UBQLN1: variants seen among roughly 807,000 people sequenced by gnomAD.
The protein encoded by UBQLN1 is ubiquilin 1.
In UBQLN1, 13 loss-of-function variants were observed where a neutral mutation model predicts 65.4. That is an observed-to-expected ratio of 0.20 (90% CI 0.13 to 0.32). The LOEUF is 0.32. Among genes scored for constraint, UBQLN1 ranks in the 10% least tolerant of loss-of-function variants. UBQLN1 has a pLI of 1.00. For synonymous variants in UBQLN1, 267 were observed against 247.8 expected (o/e 1.08, Z -0.73); for missense variants, 561 against 724.0 (o/e 0.77, Z 2.58).
Position 83,663,883 on chromosome 9 carries a change from T to C in UBQLN1, c.1609A>G (p.Asn537Asp), listed in dbSNP as rs1278742386. ...QQMLQALAGV[N>D]PQLQNPEVRF... The stretch of plus-strand genomic sequence containing the variant: ...TGGAAAAGAACTGATACCTGAGGAT[T>C]TACTCCAGCAAGAGCCTGCAGCATC... Residue 537 changes from asparagine to aspartate, a missense_variant, in exon 10 of 11, where the codon AAT (asparagine) becomes GAT (aspartate). Coordinates refer to ENST00000376395, the MANE Select transcript of UBQLN1 (RefSeq NM_013438.5). 2 of 1,613,466 alleles carry C rather than the reference T, an allele frequency of 1.2e-6. No individual in the cohort carries two copies. The highest frequency in any genetic ancestry group is 1.7e-4 in the Middle Eastern group (1 of 6,048).
At chr9:83,701,860 C>CA (rs1168942497) in intron 1 of UBQLN1, among the ~76,000 whole-genome samples, 2 of 152,188 alleles carry the variant, frequency 1.3e-5, no homozygotes, top group African/African-American at 4.8e-5. Flanking sequence ...AAAACTTATA[C>CA]ATGAGTGTTC....
chr9:83,682,824 G>GTT (rs545821772), intron 3 of UBQLN1, 127 bp downstream of exon 3: 14,005 of 409,702 alleles, frequency 0.034, 132 homozygotes, highest in East Asian at 0.093. Flanking sequence ...AGGAATGTAT[G>GTT]TTTTTTTTTT....
chr9:83,683,571 A>G (rs1207855474), intron 2 of UBQLN1, among the ~76,000 whole-genome samples: 2 of 152,168 alleles, frequency 1.3e-5, no homozygotes, highest in Non-Finnish European at 2.9e-5. Flanking sequence ...CCTACAAAAT[A>G]CAAAATATGC....
chr9:83,688,516 A>G (rs1832075333), intron 1 of UBQLN1, among the ~76,000 whole-genome samples: 1 of 152,114 alleles, frequency 6.6e-6, no homozygotes, highest in Non-Finnish European at 1.5e-5. Context: ...CTGAACATAC[A>G]GTTATATAGC....
chr9:83,666,656 T>C lies in UBQLN1; in HGVS notation c.1249-223A>G, dbSNP rs1831648650. The C allele has an allele frequency of 1.9e-5, 8 of 414,022 alleles. No homozygotes were observed. The South Asian group carries it at 4.4e-4, about 23-fold the overall frequency. 25.6% of individuals were successfully genotyped at this position (414,022 alleles called of 1,614,324 possible). ...TATTCTCTCTCAATGAGAATGGTGGTTATGATAATGACATGCAATATCCTA... is the reference window on the plus strand; with the variant it reads ...TATTCTCTCTCAATGAGAATGGTGGCTATGATAATGACATGCAATATCCTA... On this transcript the variant is annotated intron_variant, in intron 7 of 10. Transcript: ENST00000376395.
At chr9:83,687,773 AAAC>A (rs1417146619) in intron 1 of UBQLN1, among the ~76,000 whole-genome samples, 1 of 151,746 alleles carries the variant, frequency 6.6e-6, no homozygotes, top group Non-Finnish European at 1.5e-5. Context: ...CAGCCAATAT[AAAC>A]AACTGATTTT....
intron 10 of UBQLN1, among the ~76,000 whole-genome samples, chr9:83,663,386 A>G (rs1358657566): frequency 1.3e-5 from 2 of 152,146 alleles, no homozygotes; most frequent in Admixed American, 6.5e-5. Context: ...TTCTTTAGCC[A>G]TATTTACGAG....
At chr9:83,678,703 C>T (rs1379592875) in intron 4 of UBQLN1, 104 bp from the exon 5 acceptor site, 23 of 1,224,800 alleles carry the variant, frequency 1.9e-5, no homozygotes, top group East Asian at 2.4e-5. Flanking sequence ...TTATGGGAGG[C>T]CACTGTTTTG....
chr9:83,688,781 A>C (rs1832080807), intron 1 of UBQLN1, among the ~76,000 whole-genome samples: 1 of 152,048 alleles, frequency 6.6e-6, no homozygotes, highest in Non-Finnish European at 1.5e-5. Context: ...GAATTGCTTG[A>C]ACCTGGGAGG....
chr9:83,678,023 CTTTT>C (rs386415305), intron 5 of UBQLN1, 62 bp from the exon 6 acceptor site: 87 of 931,630 alleles, frequency 9.3e-5, no homozygotes, highest in South Asian at 1.4e-4. Context: ...AGATATGAAA[CTTTT>C]TTTTTTTTTT....
At chr9:83,706,223 C>A (rs1289377411) in intron 1 of UBQLN1, among the ~76,000 whole-genome samples, 2 of 152,206 alleles carry the variant, frequency 1.3e-5, no homozygotes, top group East Asian at 1.9e-4. Flanking sequence ...GCAACTTACT[C>A]TGAATTGCTC....
At chr9:83,664,757 T>TTA (rs1011449380) in intron 9 of UBQLN1, among the ~76,000 whole-genome samples, 5 of 150,442 alleles carry the variant, frequency 3.3e-5, no homozygotes, top group African/African-American at 4.9e-5. Flanking sequence ...CAACAACAAA[T>TTA]TATATATATA....
chr9:83,695,201 C>CTTTT (rs36072668), intron 1 of UBQLN1, among the ~76,000 whole-genome samples: 2 of 133,442 alleles, frequency 1.5e-5, no homozygotes, highest in East Asian at 2.2e-4. Context: ...GCCCTCCCAC[C>CTTTT]TTTTTTTTTT....
In UBQLN1 at chr9:83,679,857, A is replaced by G; in HGVS notation, c.629T>C (p.Met210Thr). The change falls in exon 4 of 11, where the codon ATG becomes ACG. Residue 210 changes from methionine to threonine, a missense_variant. By Grantham distance (81) the Met-to-Thr change is moderately conservative. Transcript: ENST00000376395. ...CAACTGCTGCATTTGTGGATTGGCC[A>G]TAATTAACTGTCTCATCAGGTCAGG... ...SNPDLMRQLI[M>T]ANPQMQQLIQ... 1.2e-6 allele frequency: 2 copies of G among 1,614,216 alleles called. No individual in the cohort carries two copies. The highest frequency in any genetic ancestry group is 1.7e-5 in the Admixed American group (1 of 60,030).
chr9:83,679,924 G>C lies in UBQLN1; in HGVS notation c.562C>G (p.Gln188Glu), dbSNP rs1383256797. The C allele has an allele frequency of 6.2e-7, 1 of 1,614,018 alleles. No individual in the cohort carries two copies. The highest frequency in any genetic ancestry group is 1.3e-5 in the African/African-American group (1 of 74,890). ...TGAACAAAGGGATTTTCCATGATCT[G>C]GACCATCATTTCAGGGTTAGACAAA... ...QLLSNPEMMV[Q>E]IMENPFVQSM... is the part of the protein sequence containing the mutation. The change falls in exon 4 of 11, where the codon CAG becomes GAG. Residue 188 changes from glutamine (Q) to glutamate (E), a missense_variant. Physicochemically the swap from Gln to Glu is conservative, Grantham distance 29 (BLOSUM62 2). Transcript: ENST00000376395.
intron 6 of UBQLN1, among the ~76,000 whole-genome samples, chr9:83,673,549 A>G (rs1831772627): frequency 1.7e-5 from 1 of 57,838 alleles, no homozygotes; most frequent in Non-Finnish European, 3.0e-5. Context: ...GGTCTTTTAA[A>G]AAAAAAAAAA....
In UBQLN1 at chr9:83,707,607, C is replaced by T. The variant is rs17857190; in HGVS notation, c.73G>A (p.Ala25Thr). The change falls in exon 1 of 11, where the codon GCC becomes ACC. Residue 25 changes from alanine to threonine, a missense_variant. Around this residue, in one of 8 missense-constraint regions of UBQLN1, gnomAD observed 101 missense variants for 104.9 expected, o/e 0.96. Transcript: ENST00000376395. ...DSAAGAEGAG[A>T]PAAAASAEPK... ...TCCGCGGAGGCAGCGGCCGCGGGGG[C>T]GCCAGCACCTTCGGCTCCGGCGGCG... 2.5e-6 allele frequency: 4 copies of T among 1,596,624 alleles called. No homozygotes were observed. Among genetic ancestry groups the T allele is most frequent in the Admixed American group, 3.5e-5 (2 of 57,514 alleles).
chr9:83,665,167 T>TG (rs1359629445), intron 8 of UBQLN1, 22 bp from the exon 9 acceptor site: 6 of 1,538,110 alleles, frequency 3.9e-6, no homozygotes, highest in African/African-American at 1.4e-5. Context: ...AGAAAACTAG[T>TG]GGTTACAAAG....
At chr9:83,679,693 G>T in intron 4 of UBQLN1, 82 bp downstream of exon 4, 2 of 1,458,478 alleles carry the variant, frequency 1.4e-6, no homozygotes, top group Non-Finnish European at 9.4e-7. Context: ...CATACATACA[G>T]GACAATCTCA....
Sources: gnomAD v4.1 joint callset for allele counts (sites outside exome capture counted in the v4.1 genomes callset) on GRCh38, gnomAD v4.1.1 for gene constraint, gnomAD v4.1.1 regional missense constraint, MANE v1.5 for transcripts, NCBI Gene and HGNC (gene_info 2026-07-23, HGNC 2026-07-21) for gene names.